ZNF778: variants seen among roughly 807,000 people sequenced by gnomAD.
ZNF778 encodes the protein zinc finger protein 778.
A neutral mutation model predicts 23.9 loss-of-function variants in ZNF778; 37 were observed. The observed-to-expected ratio is 1.54, with a 90% CI of 1.19 to 2.03. ZNF778 has a LOEUF of 2.03. Ranked by LOEUF, ZNF778 falls within the 30% of genes most tolerant of loss-of-function variation. The pLI is 0.00. For missense variants in ZNF778, 1,297 were observed against 934.4 expected (o/e 1.39, Z -5.06); for synonymous variants, 483 against 343.9 (o/e 1.40, Z -4.48).
At chr16:89,224,324 G>C (rs4785622) in intron 4 of ZNF778, among the ~76,000 whole-genome samples, 121,921 of 152,002 alleles carry the variant, frequency 0.8, 51,214 homozygotes, top group Non-Finnish European at 0.92. Flanking sequence ...CCTGTAATCC[G>C]AGCACTCTGG....
chr16:89,222,764 G>T (rs1230606941), intron 3 of ZNF778, among the ~76,000 whole-genome samples: 5 of 152,246 alleles, frequency 3.3e-5, no homozygotes, highest in African/African-American at 4.8e-5. Flanking sequence ...TCCTCTCTGG[G>T]AACTTATTTC....
At position 89,231,467 on chromosome 16, in the gene ZNF778, A is replaced by G. The variant is rs1286368332; in HGVS notation, c.*2905A>G. 6.6e-6 allele frequency: 1 copy of G among 152,102 alleles called. No individual in the cohort carries two copies. The highest frequency in any genetic ancestry group is 1.5e-5 in the Non-Finnish European group (1 of 68,034). 9.4% of individuals were successfully genotyped at this position (152,102 alleles called of 1,614,324 possible). A position where few individuals can be genotyped will look rare whatever the true frequency, so the allele number is the denominator to read the frequency against. Reference sequence around the variant, plus strand: ...CACCCCAGCACAGACCTCAATTAAGACGACTACCCCTCCGACGACTCCCCC... The same window carrying G: ...CACCCCAGCACAGACCTCAATTAAGGCGACTACCCCTCCGACGACTCCCCC... On this transcript the variant is annotated 3_prime_UTR_variant, in exon 7 of 7. Coordinates refer to ENST00000433976, the MANE Select transcript of ZNF778 (RefSeq NM_001201407.2).
rs1421956058 is a variant in ZNF778 at position 89,227,709 on chromosome 16, A to G, written c.1421A>G (p.Glu474Gly). ...GAGCATGTAAGGACTCACACTGGAG[A>G]GAAACCATATGAATGTAAAGATTGT... Reference protein sequence around the residue: ...LTEHVRTHTGEKPYECKDCGK... With the variant: ...LTEHVRTHTGGKPYECKDCGK... Residue 474 changes from glutamate (E) to glycine (G), a missense_variant, in exon 7 of 7, where the codon GAG becomes GGG. Coordinates refer to ENST00000433976, the MANE Select transcript of ZNF778 (RefSeq NM_001201407.2). The G allele has an allele frequency of 1.9e-6, 3 of 1,614,076 alleles. No individual in the cohort carries two copies. In the African/African-American group the frequency reaches 4.0e-5, roughly 22 times the overall value.
At chr16:89,223,880 A>G (rs1016821434) in intron 4 of ZNF778, among the ~76,000 whole-genome samples, 4 of 152,096 alleles carry the variant, frequency 2.6e-5, no homozygotes, top group Non-Finnish European at 5.9e-5. Flanking sequence ...TCTCAAAAAA[A>G]AAACAAACGT....
Position 89,233,806 on chromosome 16 carries a change from G to T in ZNF778, c.*5244G>T, listed in dbSNP as rs1401862684. ...CTGCGTATGCAACTCAGCTCGCACTGCGTATGCAACTCAACTGTTGCAAGT... is the reference window on the plus strand; with the variant it reads ...CTGCGTATGCAACTCAGCTCGCACTTCGTATGCAACTCAACTGTTGCAAGT... On this transcript the variant is annotated 3_prime_UTR_variant, in exon 7 of 7. Coordinates refer to ENST00000433976, the MANE Select transcript of ZNF778 (RefSeq NM_001201407.2). The T allele has an allele frequency of 1.5e-6, 2 of 1,291,346 alleles. No homozygotes were observed. Among genetic ancestry groups the T allele is most frequent in the South Asian group, 2.5e-5 (2 of 81,032 alleles). 80.0% of individuals were successfully genotyped at this position (1,291,346 alleles called of 1,614,324 possible).
At position 89,232,429 on chromosome 16, in the gene ZNF778, AGACT is replaced by A. The variant is rs541859719; in HGVS notation, c.*3868_*3871del. On this transcript the variant is annotated 3_prime_UTR_variant, in exon 7 of 7. Coordinates refer to ENST00000433976, the MANE Select transcript of ZNF778 (RefSeq NM_001201407.2). ...GCCTCAGATATGTAGCAACACAGAC[AGACT>A]AAGACACCAAGCATGATGGAAAACT... 4.5e-5 allele frequency: 15 copies of A among 334,804 alleles called. No individual in the cohort carries two copies. The Admixed American group carries it at 6.9e-4, about 16-fold the overall frequency. The allele number at this position is 334,804 out of a possible 1,614,324, so 20.7% of individuals were successfully genotyped here.
At position 89,235,830 on chromosome 16, in the gene ZNF778, G is replaced by C. The variant is rs1597374773; in HGVS notation, c.*7268G>C. ...TAAGATAAAAACTTAAGTTTGAAGA[G>C]GTTCCATGAGCCCCAGACAGGATAA... On this transcript the variant is annotated 3_prime_UTR_variant, in exon 7 of 7. Coordinates refer to ENST00000433976, the MANE Select transcript of ZNF778 (RefSeq NM_001201407.2). The C allele has an allele frequency of 6.6e-6, 1 of 151,934 alleles. No homozygotes were observed. Among genetic ancestry groups the C allele is most frequent in the East Asian group, 1.9e-4 (1 of 5,196 alleles). The allele number at this position is 151,934 out of a possible 1,614,324, so 9.4% of individuals were successfully genotyped here.
Position 89,230,191 on chromosome 16 carries a change from C to A in ZNF778, c.*1629C>A. 4.8e-6 allele frequency: 2 copies of A among 414,632 alleles called. No homozygotes were observed. The highest frequency in any genetic ancestry group is 6.5e-6 in the Non-Finnish European group (2 of 308,838). The allele number at this position is 414,632 out of a possible 1,614,324, so 25.7% of individuals were successfully genotyped here. On this transcript the variant is annotated 3_prime_UTR_variant, in exon 7 of 7. Coordinates refer to ENST00000433976, the MANE Select transcript of ZNF778 (RefSeq NM_001201407.2). The stretch of plus-strand genomic sequence containing the variant: ...GTTCCTCTCCCATACCTGATCCCTT[C>A]AGATAAAACACCAGGGTGCAAGGAG...
chr16:89,224,487 C>T (rs566202409), intron 4 of ZNF778: 7 of 399,576 alleles, frequency 1.8e-5, no homozygotes, highest in East Asian at 8.9e-5. Context: ...GGCGTGGTGG[C>T]GGGCACCTAT....
chr16:89,233,071 TCGCAC>T lies in ZNF778; in HGVS notation c.*4510_*4514del, dbSNP rs2032047082. The T allele has an allele frequency of 8.2e-7, 1 of 1,223,158 alleles. No homozygotes were observed. The highest frequency in any genetic ancestry group is 1.0e-6 in the Non-Finnish European group (1 of 953,094). The allele number at this position is 1,223,158 out of a possible 1,614,324, so 75.8% of individuals were successfully genotyped here. On this transcript the variant is annotated 3_prime_UTR_variant, in exon 7 of 7. Transcript: ENST00000433976. The stretch of plus-strand genomic sequence containing the variant: ...GCTCGCTCTGCGTATGCAACTCAGC[TCGCAC>T]TGCGTATGCAACTCAGCTCGCACTG...
In ZNF778 at chr16:89,234,279, A is replaced by G. The variant is rs186429060; in HGVS notation, c.*5717A>G. 1 of 348,042 alleles carries G rather than the reference A, an allele frequency of 2.9e-6. No individual in the cohort carries two copies. The highest frequency in any genetic ancestry group is 5.7e-6 in the Non-Finnish European group (1 of 176,404). The allele number at this position is 348,042 out of a possible 1,614,324, so 21.6% of individuals were successfully genotyped here. On this transcript the variant is annotated 3_prime_UTR_variant, in exon 7 of 7. Transcript: ENST00000433976. ...TACCCAGCCCAGGGATTCTTGAACT[A>G]TCTGTAGGAACTGCCATGTTGACTC...
At position 89,233,161 on chromosome 16, in the gene ZNF778, G is replaced by A. The variant is rs1329924656; in HGVS notation, c.*4599G>A. 2.8e-5 allele frequency: 10 copies of A among 362,862 alleles called. No homozygotes were observed. Among genetic ancestry groups the A allele is most frequent in the African/African-American group, 7.9e-5 (2 of 25,366 alleles). The allele number at this position is 362,862 out of a possible 1,614,324, so 22.5% of individuals were successfully genotyped here. ...CAGCTCGCTCTGCGTATGCAACTCA[G>A]CTCGCACTGCGTATGCAACTCAGCT... On this transcript the variant is annotated 3_prime_UTR_variant, in exon 7 of 7. Transcript: ENST00000433976.
At chr16:89,220,732 A>G (rs912628769) in intron 1 of ZNF778, among the ~76,000 whole-genome samples, 3 of 152,194 alleles carry the variant, frequency 2.0e-5, no homozygotes, top group African/African-American at 7.2e-5. Context: ...TCCTAAGTGG[A>G]TGATGTGGAC....
In ZNF778 at chr16:89,230,365, G is replaced by A. The variant is rs567199345; in HGVS notation, c.*1803G>A. On this transcript the variant is annotated 3_prime_UTR_variant, in exon 7 of 7. Transcript: ENST00000433976. ...GGTGAGAGCCCTGAGTGTCCTTGTT[G>A]ACCTCCAGATCCTCTTCACAGCATG... 1.3e-5 allele frequency: 2 copies of A among 152,580 alleles called. No individual in the cohort carries two copies. Among genetic ancestry groups the A allele is most frequent in the African/African-American group, 4.8e-5 (2 of 41,552 alleles). The allele number at this position is 152,580 out of a possible 1,614,324, so 9.5% of individuals were successfully genotyped here.
In ZNF778 at chr16:89,228,492, G is replaced by C; in HGVS notation, c.2204G>C (p.Gly735Ala). ...EEQVFVCKDC[G>A]KSFKNSSCLN... is the part of the protein sequence containing the mutation. Reference sequence around the variant, plus strand: ...CAGGTTTTTGTATGTAAGGACTGTGGAAAATCTTTTAAGAATTCCTCATGC... The same window carrying C: ...CAGGTTTTTGTATGTAAGGACTGTGCAAAATCTTTTAAGAATTCCTCATGC... Residue 735 changes from glycine to alanine, a missense_variant, in exon 7 of 7, where the codon GGA becomes GCA. Gly to Ala is a moderately conservative substitution (Grantham distance 60, BLOSUM62 0). Coordinates refer to ENST00000433976, the MANE Select transcript of ZNF778 (RefSeq NM_001201407.2). 6.2e-7 allele frequency: 1 copy of C among 1,609,322 alleles called. No homozygotes were observed. The highest frequency in any genetic ancestry group is 8.5e-7 in the Non-Finnish European group (1 of 1,178,652).
At position 89,232,445 on chromosome 16, in the gene ZNF778, C is replaced by A. The variant is rs1676355112; in HGVS notation, c.*3883C>A. Reference sequence around the variant, plus strand: ...AACACAGACAGACTAAGACACCAAGCATGATGGAAAACTGGGTTATGGGCA... The same window carrying A: ...AACACAGACAGACTAAGACACCAAGAATGATGGAAAACTGGGTTATGGGCA... On this transcript the variant is annotated 3_prime_UTR_variant, in exon 7 of 7. Coordinates refer to ENST00000433976, the MANE Select transcript of ZNF778 (RefSeq NM_001201407.2). 2.0e-5 allele frequency: 7 copies of A among 356,980 alleles called. No homozygotes were observed. Among genetic ancestry groups the A allele is most frequent in the South Asian group, 1.7e-4 (7 of 41,336 alleles). The allele number at this position is 356,980 out of a possible 1,614,324, so 22.1% of individuals were successfully genotyped here.
At chr16:89,225,524 T>G in intron 5 of ZNF778, 31 bp from the exon 6 acceptor site, 1 of 1,513,350 alleles carries the variant, frequency 6.6e-7, no homozygotes, top group Non-Finnish European at 9.0e-7. Context: ...ATGAGTTTGA[T>G]CGTTTTTAGG....
Position 89,230,109 on chromosome 16 carries a change from C to A in ZNF778, c.*1547C>A. 2.4e-6 allele frequency: 2 copies of A among 835,306 alleles called. No individual in the cohort carries two copies. Among genetic ancestry groups the A allele is most frequent in the Non-Finnish European group, 2.9e-6 (2 of 693,984 alleles). 51.7% of individuals were successfully genotyped at this position (835,306 alleles called of 1,614,324 possible). A position where few individuals can be genotyped will look rare whatever the true frequency, so the allele number is the denominator to read the frequency against. On this transcript the variant is annotated 3_prime_UTR_variant, in exon 7 of 7. Coordinates refer to ENST00000433976, the MANE Select transcript of ZNF778 (RefSeq NM_001201407.2). Reference sequence around the variant, plus strand: ...CTTAGGCATGACCCACCTGTAGGGTCCCACACTGGCCAATGTTGGGGCATA... The same window carrying A: ...CTTAGGCATGACCCACCTGTAGGGTACCACACTGGCCAATGTTGGGGCATA...
chr16:89,223,660 C>A (rs2031184127), intron 4 of ZNF778, among the ~76,000 whole-genome samples: 1 of 152,182 alleles, frequency 6.6e-6, no homozygotes, highest in South Asian at 2.1e-4. Context: ...TCTGTTATTT[C>A]CTATTTGAGT....
Sources: allele counts gnomAD v4.1 joint callset (sites outside exome capture counted in the v4.1 genomes callset), GRCh38; gene constraint gnomAD v4.1.1; transcripts MANE v1.5; gene names NCBI Gene and HGNC (gene_info 2026-07-23, HGNC 2026-07-21).